Variants in PTPRT observed in about 807,000 individuals in gnomAD.
The protein encoded by PTPRT is protein tyrosine phosphatase receptor type T, also known as receptor-type tyrosine-protein phosphatase T.
In PTPRT, 56 loss-of-function variants were observed where a neutral mutation model predicts 176.8. The ratio of observed to expected loss-of-function variants is 0.32; its 90% CI spans 0.26 to 0.40. The LOEUF is 0.40. PTPRT is among the 10% of genes least tolerant of loss of function. The pLI, the probability that PTPRT is intolerant of heterozygous loss-of-function variation, is 1.00. For synonymous variants in PTPRT, 783 were observed against 739.0 expected, an observed-to-expected ratio of 1.06 and a Z score of -0.96; for missense variants, 1,540 against 1,908.2, an observed-to-expected ratio of 0.81 and a Z score of 3.60.
At chr20:42,555,479 T>C (rs1431045109) in intron 7 of PTPRT, among the ~76,000 whole-genome samples, 3 of 152,118 alleles carry the variant, frequency 2.0e-5, no homozygotes, top group Admixed American at 6.5e-5. Flanking sequence ...GGCAGGCAGT[T>C]TAGGTGTTGC....
At chr20:42,717,581 G>A (rs1484871107) in intron 6 of PTPRT, among the ~76,000 whole-genome samples, 1 of 147,366 alleles carries the variant, frequency 6.8e-6, no homozygotes. Flanking sequence ...GATAATGTGA[G>A]ACAGGATTTT....
rs1288844630 is a variant in PTPRT at position 42,098,473 on chromosome 20, A to G, written c.3794T>C (p.Phe1265Ser). 14 of 1,614,054 alleles carry G rather than the reference A, an allele frequency of 8.7e-6. No homozygotes were observed. The African/African-American group carries it at 1.9e-4, about 22-fold the overall frequency. Residue 1265 changes from phenylalanine to serine, a missense_variant, in exon 27 of 31, where the codon TTC (phenylalanine) becomes TCC (serine). Around this residue, in one of 11 missense-constraint regions of PTPRT, gnomAD observed 342 missense variants for 394.0 expected, o/e 0.87. Coordinates refer to ENST00000373187, the MANE Select transcript of PTPRT (RefSeq NM_007050.6). ...NTVADFWRLVFDYNCSSVVML... is the reference protein window; with the variant it reads ...NTVADFWRLVSDYNCSSVVML... ...CACCACAGAGGAGCAGTTGTAATCGAACACCAGCCTCCAGAAGTCTGCCAC... is the reference window on the plus strand; with the variant it reads ...CACCACAGAGGAGCAGTTGTAATCGGACACCAGCCTCCAGAAGTCTGCCAC...
chr20:42,934,445 G>A (rs1051389891), intron 1 of PTPRT, among the ~76,000 whole-genome samples: 3 of 152,190 alleles, frequency 2.0e-5, no homozygotes, highest in Non-Finnish European at 2.9e-5. Context: ...CATTTTCTGT[G>A]GGTCAGGAAT....
intron 11 of PTPRT, among the ~76,000 whole-genome samples, chr20:42,332,368 C>T (rs1257757283): frequency 6.6e-6 from 1 of 152,004 alleles, no homozygotes; most frequent in African/African-American, 2.4e-5. Context: ...CACCACCACG[C>T]CTGGCTAATT....
chr20:42,858,365 A>C (rs2078601411), intron 2 of PTPRT, among the ~76,000 whole-genome samples: 1 of 152,220 alleles, frequency 6.6e-6, no homozygotes, highest in Non-Finnish European at 1.5e-5. Flanking sequence ...GATTCTTGCT[A>C]AAACAACTTA....
At chr20:42,032,712 A>G in the PTPRT span, among the ~76,000 whole-genome samples, 1 of 152,042 alleles carries the variant, frequency 6.6e-6, no homozygotes, top group Non-Finnish European at 1.5e-5. Flanking sequence ...TTAGGTTATA[A>G]AAGGCAATGC....
At chr20:42,840,059 T>TG (rs763102097) in intron 2 of PTPRT, among the ~76,000 whole-genome samples, 17 of 152,178 alleles carry the variant, frequency 1.1e-4, no homozygotes, top group Non-Finnish European at 2.4e-4. Flanking sequence ...TTCATACTAT[T>TG]GGGGGCCAGA....
intron 13 of PTPRT, among the ~76,000 whole-genome samples, chr20:42,276,137 G>A (rs1253984215): frequency 6.6e-6 from 1 of 152,018 alleles, no homozygotes; most frequent in East Asian, 1.9e-4. Context: ...CTGGTCTGGT[G>A]ATGAAGAAAG....
At chr20:42,768,432 T>A (rs2077016265) in intron 5 of PTPRT, among the ~76,000 whole-genome samples, 1 of 152,218 alleles carries the variant, frequency 6.6e-6, no homozygotes, top group South Asian at 2.1e-4. Flanking sequence ...GTTCATTGCA[T>A]CATACAGTGT....
At chr20:42,936,577 C>CCCCA in intron 1 of PTPRT, among the ~76,000 whole-genome samples, 1 of 152,136 alleles carries the variant, frequency 6.6e-6, no homozygotes, top group Admixed American at 6.5e-5. Flanking sequence ...CTCCTCTTGA[C>CCCCA]TATGGGGTGG....
rs1306699524 is a variant in PTPRT, at chr20:42,077,249, C to T, written c.*3630G>A. 5.4e-6 allele frequency: 1 copy of T among 186,546 alleles called. No homozygotes were observed. The highest frequency in any genetic ancestry group is 8.6e-5 in the East Asian group (1 of 11,650). The allele number at this position is 186,546 out of a possible 1,614,324, so 11.6% of individuals were successfully genotyped here. The stretch of plus-strand genomic sequence containing the variant: ...CCCACAAAGAGAGGCCTACTGTGGC[C>T]TTCTAGAGGCCCAAGGACCCCTGGT... On this transcript the variant is annotated 3_prime_UTR_variant, in exon 31 of 31. Transcript: ENST00000373187.
chr20:42,919,767 T>C (rs1004537665), intron 1 of PTPRT, among the ~76,000 whole-genome samples: 1 of 152,220 alleles, frequency 6.6e-6, no homozygotes, highest in African/African-American at 2.4e-5. Flanking sequence ...AAATATAGAT[T>C]CCTGTCCATT....
At chr20:42,835,894 T>C (rs998802230) in intron 2 of PTPRT, among the ~76,000 whole-genome samples, 4 of 152,184 alleles carry the variant, frequency 2.6e-5, no homozygotes, top group Admixed American at 6.5e-5. Context: ...TGTCTTATTA[T>C]GAAGACAGTC....
chr20:42,656,350 A>C (rs2075124864), intron 7 of PTPRT, among the ~76,000 whole-genome samples: 1 of 152,144 alleles, frequency 6.6e-6, no homozygotes, highest in East Asian at 1.9e-4. Flanking sequence ...ACATGTGTTA[A>C]CGCCAGTAAG....
At chr20:42,707,256 T>G (rs887935193) in intron 6 of PTPRT, among the ~76,000 whole-genome samples, 2 of 152,132 alleles carry the variant, frequency 1.3e-5, no homozygotes, top group Non-Finnish European at 2.9e-5. Context: ...TAAGAAAAGA[T>G]AATGAGTTGG....
chr20:42,677,316 T>G (rs1258085923), intron 7 of PTPRT, among the ~76,000 whole-genome samples: 1 of 151,394 alleles, frequency 6.6e-6, no homozygotes, highest in Non-Finnish European at 1.5e-5. Flanking sequence ...TCATTAAAGA[T>G]ACAACCAAAA....
chr20:42,588,653 G>A (rs1421215459), intron 7 of PTPRT, among the ~76,000 whole-genome samples: 1 of 152,032 alleles, frequency 6.6e-6, no homozygotes, highest in Non-Finnish European at 1.5e-5. Flanking sequence ...TATACTACTA[G>A]AATTAATTGC....
chr20:43,067,614 G>A lies in PTPRT; in HGVS notation c.88+122032C>T, dbSNP rs577150894. 1.1e-3 allele frequency among the ~76,000 whole-genome samples: 170 copies of A among 152,136 alleles called. 2 individuals carry two copies. The highest frequency in any genetic ancestry group is 3.7e-3 in the African/African-American group (154 of 41,528). The stretch of plus-strand genomic sequence containing the variant: ...AGGCAAGAACCAAGTAATGCTTACA[G>A]GAAGGGAAGTCCTCGGATGACTGTT... On this transcript the variant is annotated intron_variant, in intron 1 of 30. Coordinates refer to ENST00000373187, the MANE Select transcript of PTPRT (RefSeq NM_007050.6).
At chr20:42,381,450 C>G (rs1410351831) in intron 9 of PTPRT, among the ~76,000 whole-genome samples, 3 of 152,176 alleles carry the variant, frequency 2.0e-5, no homozygotes, top group Admixed American at 1.3e-4. Context: ...TGTGTGACTG[C>G]TCCCTGTTGA....
Sources: gnomAD v4.1 joint callset for allele counts (sites outside exome capture counted in the v4.1 genomes callset) on GRCh38, gnomAD v4.1.1 for gene constraint, gnomAD v4.1.1 regional missense constraint, MANE v1.5 for transcripts, NCBI Gene and HGNC (gene_info 2026-07-23, HGNC 2026-07-21) for gene names.